RASL10A: variants seen among roughly 807,000 people sequenced by gnomAD.
The protein encoded by RASL10A is RAS like family 10 member A.
A neutral mutation model predicts 17.3 loss-of-function variants in RASL10A; 13 were observed. The ratio of observed to expected loss-of-function variants is 0.75; its 90% CI spans 0.49 to 1.20. RASL10A has a LOEUF of 1.20. Ranked by LOEUF, RASL10A falls within the 50% of genes most tolerant of loss-of-function variation. RASL10A has a pLI of 0.00. For synonymous variants in RASL10A, 159 were observed against 142.2 expected, an observed-to-expected ratio of 1.12 and a Z score of -0.84; for missense variants, 307 against 310.3, an observed-to-expected ratio of 0.99 and a Z score of 0.08.
Position 29,314,991 on chromosome 22 carries a change from ACT to A in RASL10A, c.219+35_219+36del, listed in dbSNP as rs769032536. On this transcript the variant is annotated intron_variant, in intron 1 of 2. Transcript: ENST00000216101. ...TGCACCGAGCACGCACACCCCTCAC[ACT>A]GTCACACGCCCCTGCCCGCTCCTCG... is the stretch of plus-strand genomic sequence containing the variant. 1.2e-5 allele frequency: 17 copies of A among 1,431,364 alleles called. No individual in the cohort carries two copies. The South Asian group carries it at 2.1e-4, about 18-fold the overall frequency. 88.7% of individuals were successfully genotyped at this position (1,431,364 alleles called of 1,614,324 possible).
upstream of RASL10A, among the ~76,000 whole-genome samples, chr22:29,319,148 A>G (rs1342807178): frequency 6.6e-6 from 1 of 152,128 alleles, no homozygotes; most frequent in African/African-American, 2.4e-5. Context: ...TTTCTTCCCA[A>G]CTGGGCCTGA....
intron 2 of RASL10A, 131 bp downstream of exon 2, chr22:29,313,732 C>G (rs1367492207): frequency 6.8e-7 from 1 of 1,477,162 alleles, no homozygotes; most frequent in Non-Finnish European, 9.0e-7. Context: ...GCACATACAG[C>G]TTAAGACCTT....
chr22:29,319,667 A>T (rs2061467132), upstream of RASL10A: 1 of 152,188 alleles, frequency 6.6e-6, no homozygotes, highest in African/African-American at 2.4e-5. Flanking sequence ...CCTGGGCAAC[A>T]CAGTGAGACC....
Position 29,315,231 on chromosome 22 carries a change from G to T in RASL10A, c.16C>A (p.Arg6=). The T allele has an allele frequency of 6.6e-7, 1 of 1,511,274 alleles. No homozygotes were observed. The highest frequency in any genetic ancestry group is 8.8e-7 in the Non-Finnish European group (1 of 1,137,650). The allele number at this position is 1,511,274 out of a possible 1,614,324, so 93.6% of individuals were successfully genotyped here. Residue 6 remains arginine, a synonymous_variant, in exon 1 of 3, where the codon CGG becomes AGG. Transcript: ENST00000216101. The surrounding 1 kb of genome is among the most constrained non-coding windows in gnomAD (Gnocchi z 5.5). Reference sequence around the variant, plus strand: ...CCCGGGGCGCCTAGAACGGCCACCCGCAGGCTACCCCCCATGGCCGGCCGG... The same window carrying T: ...CCCGGGGCGCCTAGAACGGCCACCCTCAGGCTACCCCCCATGGCCGGCCGG... The part of the protein sequence containing the change: MGGSL[R]VAVLGAPGVG...
At position 29,313,306 on chromosome 22, in the gene RASL10A, T is replaced by A; in HGVS notation, c.607A>T (p.Met203Leu). ...GATGGCACTGTCCGATCGGGTCACA[T>A]GAGGCTGCAGCGCGCGGGATGCAGC... ...GALHPARCSL[M>L] The change falls in exon 3 of 3, where the codon ATG becomes TTG. Residue 203 changes from methionine (M) to leucine (L), a missense_variant. Transcript: ENST00000216101. 6.6e-7 allele frequency: 1 copy of A among 1,515,636 alleles called. No individual in the cohort carries two copies. 93.9% of individuals were successfully genotyped at this position (1,515,636 alleles called of 1,614,324 possible).
Position 29,313,693 on chromosome 22 carries a change from C to T in RASL10A, c.345-125G>A, listed in dbSNP as rs566945019. 1.5e-5 allele frequency: 22 copies of T among 1,422,006 alleles called. No homozygotes were observed. In the East Asian group the frequency reaches 5.4e-4, roughly 35 times the overall value. 88.1% of individuals were successfully genotyped at this position (1,422,006 alleles called of 1,614,324 possible). On this transcript the variant is annotated intron_variant, in intron 2 of 2. Coordinates refer to ENST00000216101, the MANE Select transcript of RASL10A (RefSeq NM_006477.5). ...GACACCGCCCCCCCCGCCGCCCCAACGAAACCCCAGGCCCATGTGGGCCAA... is the reference window on the plus strand; with the variant it reads ...GACACCGCCCCCCCCGCCGCCCCAATGAAACCCCAGGCCCATGTGGGCCAA...
At chr22:29,317,851 A>G (rs916480685), upstream of RASL10A, among the ~76,000 whole-genome samples, 1 of 152,034 alleles carries the variant, frequency 6.6e-6, no homozygotes, top group African/African-American at 2.4e-5. Flanking sequence ...TGCCCGGCTA[A>G]TTTTTGTGTT....
Position 29,315,649 on chromosome 22 carries a change from C to G in RASL10A, c.-403G>C, listed in dbSNP as rs1054697260. On this transcript the variant is annotated 5_prime_UTR_variant, in exon 1 of 3. Transcript: ENST00000216101. The surrounding 1 kb of genome is among the most constrained non-coding windows in gnomAD (Gnocchi z 5.5). Reference sequence around the variant, plus strand: ...CGGGGCGCGGGGGGCAGCGCTGCCTCCCGGAGCCTCTGTGCCTCTATCCTT... The same window carrying G: ...CGGGGCGCGGGGGGCAGCGCTGCCTGCCGGAGCCTCTGTGCCTCTATCCTT... The G allele has an allele frequency of 6.5e-6, 1 of 152,874 alleles. No individual in the cohort carries two copies. The highest frequency in any genetic ancestry group is 2.1e-4 in the South Asian group (1 of 4,838). The allele number at this position is 152,874 out of a possible 1,614,324, so 9.5% of individuals were successfully genotyped here.
upstream of RASL10A, among the ~76,000 whole-genome samples, chr22:29,317,956 G>A (rs752290694): frequency 2.2e-4 from 34 of 152,042 alleles, no homozygotes; most frequent in Non-Finnish European, 5.9e-5. Flanking sequence ...AAAGTGCTGG[G>A]GTTTCAGGCA....
chr22:29,312,974 A>C lies in RASL10A; in HGVS notation c.*327T>G. On this transcript the variant is annotated 3_prime_UTR_variant, in exon 3 of 3. Transcript: ENST00000216101. ...TTTATTATCCCGTGGTAGGTGTGGC[A>C]TAAAGAATATGTCCAGTGAAGCTCC... 2.8e-6 allele frequency: 1 copy of C among 354,512 alleles called. No homozygotes were observed. Among genetic ancestry groups the C allele is most frequent in the Non-Finnish European group, 5.0e-6 (1 of 198,444 alleles). The allele number at this position is 354,512 out of a possible 1,614,324, so 22.0% of individuals were successfully genotyped here.
chr22:29,315,533 C>T lies in RASL10A; in HGVS notation c.-287G>A, dbSNP rs1407694481. On this transcript the variant is annotated 5_prime_UTR_variant, in exon 1 of 3. In the 5' UTR this introduces an upstream ATG that the reference lacks. Coordinates refer to ENST00000216101, the MANE Select transcript of RASL10A (RefSeq NM_006477.5). This position sits in a 1 kb window ranked among gnomAD's most constrained non-coding sequence, Gnocchi z 5.5. ...GCAGAGCCGGAGCGGCGCTCAGACA[C>T]CGCCTCCGCCCCGCAGCGCCAACCC... 5.6e-5 allele frequency: 11 copies of T among 195,902 alleles called. No individual in the cohort carries two copies. Among genetic ancestry groups the T allele is most frequent in the Non-Finnish European group, 1.0e-4 (10 of 97,502 alleles). The allele number at this position is 195,902 out of a possible 1,614,324, so 12.1% of individuals were successfully genotyped here.
rs973762099 is a variant in RASL10A, at chr22:29,313,653, C to G, written c.345-85G>C. The G allele has an allele frequency of 2.1e-6, 3 of 1,435,822 alleles. No homozygotes were observed. In the East Asian group the frequency reaches 7.3e-5, roughly 35 times the overall value. 88.9% of individuals were successfully genotyped at this position (1,435,822 alleles called of 1,614,324 possible). ...GGGTATACACACGCAGGCGCATTCC[C>G]TTCCTACGGCCAGAGACACCGCCCC... On this transcript the variant is annotated intron_variant, in intron 2 of 2. Coordinates refer to ENST00000216101, the MANE Select transcript of RASL10A (RefSeq NM_006477.5).
At chr22:29,316,474 C>T (rs570686610), upstream of RASL10A, among the ~76,000 whole-genome samples, 5 of 152,230 alleles carry the variant, frequency 3.3e-5, no homozygotes, top group Non-Finnish European at 5.9e-5. Flanking sequence ...ACTAAGGTCA[C>T]CTTTCCTGCG....
upstream of RASL10A, among the ~76,000 whole-genome samples, chr22:29,315,949 G>A (rs2061451841): frequency 6.6e-6 from 1 of 152,182 alleles, no homozygotes; most frequent in Admixed American, 6.5e-5. This position sits in a 1 kb window ranked among gnomAD's most constrained non-coding sequence, Gnocchi z 5.5. Flanking sequence ...TCCAAACACT[G>A]CTCGCCCCCA....
intron 2 of RASL10A, 107 bp from the exon 3 acceptor site, chr22:29,313,675 C>T: frequency 6.7e-6 from 9 of 1,346,350 alleles, no homozygotes; most frequent in Non-Finnish European, 7.7e-6. Context: ...AGAGACACCG[C>T]CCCCCCCGCC....
At position 29,313,001 on chromosome 22, in the gene RASL10A, G is replaced by A. The variant is rs1362980395; in HGVS notation, c.*300C>T. The A allele has an allele frequency of 1.3e-5, 5 of 394,842 alleles. No homozygotes were observed. The highest frequency in any genetic ancestry group is 2.2e-5 in the Non-Finnish European group (5 of 224,250). The allele number at this position is 394,842 out of a possible 1,614,324, so 24.5% of individuals were successfully genotyped here. ...AAAGAATATGTCCAGTGAAGCTCCAGGAGCAGGCTGCGTGTTTCCAGTCAA... is the reference window on the plus strand; with the variant it reads ...AAAGAATATGTCCAGTGAAGCTCCAAGAGCAGGCTGCGTGTTTCCAGTCAA... On this transcript the variant is annotated 3_prime_UTR_variant, in exon 3 of 3. Transcript: ENST00000216101.
chr22:29,313,297 C>T lies in RASL10A; in HGVS notation c.*4G>A, dbSNP rs2061430439. On this transcript the variant is annotated 3_prime_UTR_variant, in exon 3 of 3. Transcript: ENST00000216101. ...GGGCCCATGGATGGCACTGTCCGAT[C>T]GGGTCACATGAGGCTGCAGCGCGCG... 1 of 1,497,116 alleles carries T rather than the reference C, an allele frequency of 6.7e-7. No individual in the cohort carries two copies. The allele number at this position is 1,497,116 out of a possible 1,614,324, so 92.7% of individuals were successfully genotyped here.
Position 29,313,347 on chromosome 22 carries a change from A to T in RASL10A, c.566T>A (p.Leu189Gln). 1 of 1,538,750 alleles carries T rather than the reference A, an allele frequency of 6.5e-7. No individual in the cohort carries two copies. Among genetic ancestry groups the T allele is most frequent in the Non-Finnish European group, 8.8e-7 (1 of 1,142,184 alleles). Residue 189 changes from leucine (L) to glutamine (Q), a missense_variant, in exon 3 of 3, where the codon CTG (leucine) becomes CAG (glutamine). Coordinates refer to ENST00000216101, the MANE Select transcript of RASL10A (RefSeq NM_006477.5). ...LVRARPAHPA[L>Q]RLQGALHPAR... ...GGGATGCAGCGCCCCCTGCAGGCGC[A>T]GGGCCGGGTGTGCAGGGCGCGCGCG...
At chr22:29,316,989 G>A (rs997189315), upstream of RASL10A, 7 of 152,228 alleles carry the variant, frequency 4.6e-5, no homozygotes, top group Non-Finnish European at 4.4e-5. Flanking sequence ...CATCCTCCAG[G>A]GAGCCTGTAT....
Sources: gnomAD v4.1 joint callset for allele counts (sites outside exome capture counted in the v4.1 genomes callset) on GRCh38, gnomAD v4.1.1 for gene constraint, Gnocchi (gnomAD v3.1) non-coding constraint, MANE v1.5 for transcripts, NCBI Gene and HGNC (gene_info 2026-07-23, HGNC 2026-07-21) for gene names.